The following KHDRBS2 variants were observed in gnomAD, a reference collection of about 807,000 sequenced individuals.
KHDRBS2 encodes the protein KH RNA binding domain containing, signal transduction associated 2.
KHDRBS2 carries 26 observed loss-of-function variants against 44.3 expected under a neutral mutation model. That is an observed-to-expected ratio of 0.59 (90% confidence interval 0.43 to 0.81). The LOEUF (loss-of-function observed/expected upper bound fraction) is 0.81, where lower values mean the gene tolerates loss of function less well. KHDRBS2 is among the 40% of genes least tolerant of loss of function. KHDRBS2 has a pLI of 0.00. For synonymous variants in KHDRBS2, 194 were observed against 151.1 expected, an observed-to-expected ratio of 1.28 and a Z score of -2.08; for missense variants, 476 against 433.1, an observed-to-expected ratio of 1.10 and a Z score of -0.88.
the KHDRBS2 span, among the ~76,000 whole-genome samples, chr6:61,674,872 A>G: frequency 6.6e-6 from 1 of 151,742 alleles, no homozygotes; most frequent in African/African-American, 2.4e-5. Flanking sequence ...AAATATAGAG[A>G]GAATGATATA....
intron 6 of KHDRBS2, among the ~76,000 whole-genome samples, chr6:61,796,551 A>G (rs1785377784): frequency 6.6e-6 from 1 of 152,116 alleles, no homozygotes; most frequent in Non-Finnish European, 1.5e-5. Context: ...AGGGTACATT[A>G]AAAACTATTA....
At chr6:61,946,640 T>A (rs866986128) in intron 4 of KHDRBS2, among the ~76,000 whole-genome samples, 1 of 152,086 alleles carries the variant, frequency 6.6e-6, no homozygotes, top group African/African-American at 2.4e-5. Context: ...GGATAAGCCA[T>A]CCTGAATCTA....
chr6:62,263,446 T>C (rs1281856732), intron 1 of KHDRBS2, among the ~76,000 whole-genome samples: 2 of 151,696 alleles, frequency 1.3e-5, no homozygotes, highest in African/African-American at 4.8e-5. Flanking sequence ...CTCAACCAAA[T>C]ATTACTGATA....
intron 6 of KHDRBS2, among the ~76,000 whole-genome samples, chr6:61,765,037 C>T (rs963890773): frequency 5.3e-5 from 8 of 152,050 alleles, no homozygotes; most frequent in African/African-American, 1.2e-4. Flanking sequence ...ATTCTTCAAT[C>T]GAACTTCAAA....
intron 1 of KHDRBS2, among the ~76,000 whole-genome samples, chr6:62,258,994 CCCAAGTTTTCACTTA>C (rs1164658903): frequency 1.3e-5 from 2 of 151,990 alleles, no homozygotes; most frequent in African/African-American, 4.8e-5. Context: ...TTGTTCTTCT[CCCAAGTTTTCACTTA>C]CCAAGGCACA....
intron 3 of KHDRBS2, among the ~76,000 whole-genome samples, chr6:62,039,833 C>T (rs1292871110): frequency 2.0e-5 from 3 of 152,048 alleles, no homozygotes; most frequent in African/African-American, 7.2e-5. Context: ...TTTTGGGATC[C>T]ATCTAGCATC....
intron 5 of KHDRBS2, 62 bp downstream of exon 5, chr6:61,901,182 T>C: frequency 6.5e-7 from 1 of 1,536,386 alleles, no homozygotes; most frequent in Non-Finnish European, 8.9e-7. Flanking sequence ...AATCATGACA[T>C]AAAGCAGGAC....
chr6:61,638,071 C>A, the KHDRBS2 span, among the ~76,000 whole-genome samples: 2 of 151,956 alleles, frequency 1.3e-5, no homozygotes, highest in Non-Finnish European at 2.9e-5. Context: ...GCTTTGGTTG[C>A]CATTACTGCC....
At chr6:62,094,739 T>C (rs1800209199) in intron 2 of KHDRBS2, among the ~76,000 whole-genome samples, 1 of 151,948 alleles carries the variant, frequency 6.6e-6, no homozygotes, top group African/African-American at 2.4e-5. Flanking sequence ...TTTTTGTATA[T>C]GGTGAGAGTT....
intron 2 of KHDRBS2, among the ~76,000 whole-genome samples, chr6:62,083,335 C>A (rs936845591): frequency 6.6e-6 from 1 of 152,138 alleles, no homozygotes; most frequent in African/African-American, 2.4e-5. Flanking sequence ...CCTACTCCAT[C>A]CCCTTTCCCC....
At chr6:62,103,277 C>T (rs1802317736) in intron 2 of KHDRBS2, among the ~76,000 whole-genome samples, 1 of 152,150 alleles carries the variant, frequency 6.6e-6, no homozygotes, top group South Asian at 2.1e-4. Flanking sequence ...CTGAGATCAA[C>T]ATGTAGTCTG....
At position 61,901,290 on chromosome 6, in the gene KHDRBS2, C is replaced by T; in HGVS notation, c.565G>A (p.Gly189Ser). Residue 189 changes from glycine to serine, a missense_variant, in exon 5 of 9, where the codon GGT becomes AGT. Coordinates refer to ENST00000281156, the MANE Select transcript of KHDRBS2 (RefSeq NM_152688.4). ...ATTCTGATCCCTCTGCCTCTAATACCTCTGCCACGACCAGAGTCCTCTGAG... is the reference window on the plus strand; with the variant it reads ...ATTCTGATCCCTCTGCCTCTAATACTTCTGCCACGACCAGAGTCCTCTGAG... Reference protein sequence around the residue: ...NGSEDSGRGRGIRGRGIRIAP... With the variant: ...NGSEDSGRGRSIRGRGIRIAP... The T allele has an allele frequency of 3.1e-6, 5 of 1,613,466 alleles. No homozygotes were observed. Among genetic ancestry groups the T allele is most frequent in the Non-Finnish European group, 4.2e-6 (5 of 1,179,596 alleles).
intron 5 of KHDRBS2, among the ~76,000 whole-genome samples, chr6:61,898,399 A>C (rs904953026): frequency 5.9e-5 from 9 of 151,960 alleles, no homozygotes; most frequent in African/African-American, 1.9e-4. Flanking sequence ...TTAATGTTTT[A>C]TTGTAAGTCT....
chr6:61,559,624 T>C, the KHDRBS2 span, among the ~76,000 whole-genome samples: 2 of 152,306 alleles, frequency 1.3e-5, no homozygotes, highest in South Asian at 4.1e-4. Flanking sequence ...AATAATATTT[T>C]ATAACCCACT....
At chr6:61,586,162 C>A in the KHDRBS2 span, among the ~76,000 whole-genome samples, 1 of 152,122 alleles carries the variant, frequency 6.6e-6, no homozygotes, top group Non-Finnish European at 1.5e-5. Flanking sequence ...ATTTGCTAAG[C>A]CAGTTTGCTT....
At chr6:61,810,097 G>A (rs1562226261) in intron 6 of KHDRBS2, among the ~76,000 whole-genome samples, 2 of 152,054 alleles carry the variant, frequency 1.3e-5, no homozygotes, top group Non-Finnish European at 1.5e-5. Context: ...TGGCTTTGAG[G>A]TACAGCATTC....
At chr6:62,165,912 G>GT (rs1255135258) in intron 2 of KHDRBS2, among the ~76,000 whole-genome samples, 3 of 151,836 alleles carry the variant, frequency 2.0e-5, no homozygotes, top group Non-Finnish European at 4.4e-5. Context: ...ACTTCTAGAA[G>GT]TTTTCATCAC....
In KHDRBS2 at chr6:62,137,171, G is replaced by T. The variant is rs376152750; in HGVS notation, c.219+40014C>A. Among the ~76,000 whole-genome samples, 547 of 151,382 alleles carry T rather than the reference G, an allele frequency of 3.6e-3. 2 individuals are homozygous for T. Among genetic ancestry groups the T allele is most frequent in the African/African-American group, 0.013 (531 of 41,320 alleles). ...ACCCGCCACCATGCCCGGCTAATTT[G>T]TTTGTATTTTTAGTAGAGACGGGGT... On this transcript the variant is annotated intron_variant, in intron 2 of 8. Coordinates refer to ENST00000281156, the MANE Select transcript of KHDRBS2 (RefSeq NM_152688.4).
chr6:62,158,652 A>G (rs1816970648), intron 2 of KHDRBS2, among the ~76,000 whole-genome samples: 1 of 152,152 alleles, frequency 6.6e-6, no homozygotes, highest in South Asian at 2.1e-4. Flanking sequence ...CCATGTTACA[A>G]AGACATCCAT....
Sources: gnomAD v4.1 joint callset for allele counts (sites outside exome capture counted in the v4.1 genomes callset) on GRCh38, gnomAD v4.1.1 for gene constraint, MANE v1.5 for transcripts, NCBI Gene and HGNC (gene_info 2026-07-23, HGNC 2026-07-21) for gene names.